The following HS6ST2 variants were observed in gnomAD, a reference collection of about 807,000 sequenced individuals.
HS6ST2 encodes the protein heparan-sulfate 6-O-sulfotransferase 2.
A neutral mutation model predicts 33.0 loss-of-function variants in HS6ST2; 17 were observed. That is an observed-to-expected ratio of 0.52 (90% CI 0.35 to 0.77). The LOEUF is 0.77. Ranked by LOEUF, HS6ST2 falls within the 30% of genes least tolerant of loss-of-function variation. The probability of loss-of-function intolerance (pLI) is 0.01; values close to 1 mark genes in which losing one functional copy is unlikely to be tolerated. For synonymous variants in HS6ST2, 248 were observed against 237.1 expected (o/e 1.05, Z -0.42); for missense variants, 519 against 551.7 (o/e 0.94, Z 0.59).
intron 4 of HS6ST2, among the ~76,000 whole-genome samples, chrX:132,648,285 TGC>T (rs1362884890): frequency 3.6e-5 from 4 of 111,419 alleles, no homozygotes; most frequent in Non-Finnish European, 7.5e-5. Context: ...ACCTGTCATT[TGC>T]CTTGGAACCA....
chrX:132,895,269 A>C (rs1259617848), intron 2 of HS6ST2, among the ~76,000 whole-genome samples: 1 of 111,599 alleles, frequency 9.0e-6, no homozygotes, highest in Non-Finnish European at 1.9e-5. Flanking sequence ...AAAAATTCTT[A>C]TTTTATTAAA....
At chrX:132,907,885 G>A (rs1484467655) in intron 2 of HS6ST2, among the ~76,000 whole-genome samples, 2 of 111,911 alleles carry the variant, frequency 1.8e-5, no homozygotes, top group African/African-American at 6.5e-5. Context: ...TAGCTATGAT[G>A]CCAAAAACAC....
At chrX:132,689,585 C>T (rs2064044780) in intron 3 of HS6ST2, among the ~76,000 whole-genome samples, 1 of 112,147 alleles carries the variant, frequency 8.9e-6, no homozygotes, top group Non-Finnish European at 1.9e-5. Flanking sequence ...TGACGTACCT[C>T]TATGGAATAC....
At chrX:132,678,028 A>G (rs2063937266) in intron 3 of HS6ST2, among the ~76,000 whole-genome samples, 1 of 111,549 alleles carries the variant, frequency 9.0e-6, no homozygotes, top group South Asian at 3.8e-4. Context: ...CATCTTGAGT[A>G]CTTTCTAGGG....
chrX:132,717,546 G>A (rs1427780434), intron 2 of HS6ST2, among the ~76,000 whole-genome samples: 2 of 112,075 alleles, frequency 1.8e-5, no homozygotes, highest in South Asian at 3.7e-4. Flanking sequence ...CTGAGTGTCC[G>A]GGGTCAAGTA....
At chrX:132,881,771 G>A (rs2066176838) in intron 2 of HS6ST2, among the ~76,000 whole-genome samples, 1 of 111,782 alleles carries the variant, frequency 8.9e-6, no homozygotes, top group African/African-American at 3.3e-5. Context: ...TAACATGTAT[G>A]TCTTTAATCC....
intron 2 of HS6ST2, among the ~76,000 whole-genome samples, chrX:132,767,409 AG>A (rs1010314806): frequency 5.4e-5 from 6 of 111,677 alleles, no homozygotes; most frequent in African/African-American, 1.6e-4. Context: ...AGTAGTGAAG[AG>A]GTCTCGCTGT....
intron 2 of HS6ST2, among the ~76,000 whole-genome samples, chrX:132,824,055 T>C (rs906581203): frequency 9.0e-6 from 1 of 110,578 alleles, no homozygotes; most frequent in Non-Finnish European, 1.9e-5. Context: ...AACTCTGCCA[T>C]CTTGTCCATC....
intron 2 of HS6ST2, among the ~76,000 whole-genome samples, chrX:132,778,575 T>TC (rs1378397424): frequency 2.8e-5 from 3 of 108,665 alleles, no homozygotes; most frequent in African/African-American, 1.0e-4. Flanking sequence ...AATTTTTTTT[T>TC]TTGTATTTTT....
At chrX:132,868,281 T>G (rs144997383) in intron 2 of HS6ST2, among the ~76,000 whole-genome samples, 1 of 111,926 alleles carries the variant, frequency 8.9e-6, no homozygotes, top group African/African-American at 3.2e-5. Context: ...CAGATTCATA[T>G]AGCAAGTTCT....
At chrX:132,885,234 A>T (rs1419382780) in intron 2 of HS6ST2, among the ~76,000 whole-genome samples, 1 of 111,729 alleles carries the variant, frequency 9.0e-6, no homozygotes, top group Non-Finnish European at 1.9e-5. Context: ...AGTTGGTGGG[A>T]AACAGAAATG....
intron 3 of HS6ST2, among the ~76,000 whole-genome samples, chrX:132,683,812 G>A (rs1427936734): frequency 5.4e-5 from 6 of 110,982 alleles, no homozygotes; most frequent in African/African-American, 1.6e-4. Context: ...AAGAACACAG[G>A]TTGGTGTGTT....
At chrX:132,883,109 C>G (rs1422628096) in intron 2 of HS6ST2, among the ~76,000 whole-genome samples, 3 of 110,801 alleles carry the variant, frequency 2.7e-5, no homozygotes, top group Non-Finnish European at 5.7e-5. Context: ...TGTGTCTCTG[C>G]CAGGCTTTGG....
intron 4 of HS6ST2, among the ~76,000 whole-genome samples, chrX:132,658,200 A>G (rs896557164): frequency 2.7e-5 from 3 of 111,438 alleles, no homozygotes; most frequent in Non-Finnish European, 5.7e-5. Flanking sequence ...CCCAAAGAGA[A>G]CCTTCAATAT....
chrX:132,886,537 T>C (rs1252570575), intron 2 of HS6ST2, among the ~76,000 whole-genome samples: 3 of 110,792 alleles, frequency 2.7e-5, no homozygotes, highest in Non-Finnish European at 5.7e-5. Flanking sequence ...GCTAAAAATT[T>C]CCCAAATTTG....
chrX:132,790,243 T>C (rs1254575471), intron 2 of HS6ST2, among the ~76,000 whole-genome samples: 1 of 112,051 alleles, frequency 8.9e-6, no homozygotes, highest in East Asian at 2.8e-4. Context: ...TCAGCAACCA[T>C]GCACATCGAG....
intron 2 of HS6ST2, among the ~76,000 whole-genome samples, chrX:132,910,156 G>A (rs1249794213): frequency 4.5e-5 from 5 of 111,942 alleles, no homozygotes; most frequent in East Asian, 2.8e-4. Context: ...CATTTTATTC[G>A]TTTCTTTCTA....
At chrX:132,903,392 T>C (rs1009934554) in intron 2 of HS6ST2, among the ~76,000 whole-genome samples, 6 of 111,908 alleles carry the variant, frequency 5.4e-5, no homozygotes, top group African/African-American at 1.9e-4. Context: ...ACAGATGCAA[T>C]GTAATCCCTA....
chrX:132,679,527 C>A (rs1028071755), intron 3 of HS6ST2, among the ~76,000 whole-genome samples: 2 of 111,204 alleles, frequency 1.8e-5, no homozygotes, highest in Non-Finnish European at 3.8e-5. Context: ...GGAGGCAGGG[C>A]GAGATCACAG....
Sources: gnomAD v4.1 joint callset for allele counts (sites outside exome capture counted in the v4.1 genomes callset) on GRCh38, gnomAD v4.1.1 for gene constraint, MANE v1.5 for transcripts, NCBI Gene and HGNC (gene_info 2026-07-23, HGNC 2026-07-21) for gene names.